Variants in GREB1L observed in about 807,000 individuals in gnomAD.
GREB1L encodes GREB1 like retinoic acid receptor coactivator.
A neutral mutation model predicts 200.8 loss-of-function variants in GREB1L; 17 were observed. That is an observed-to-expected ratio of 0.08 (90% CI 0.06 to 0.13). The LOEUF (loss-of-function observed/expected upper bound fraction) is 0.13, where lower values mean the gene tolerates loss of function less well. Among genes scored for constraint, GREB1L ranks in the 10% least tolerant of loss-of-function variants. The pLI is 1.00. For missense variants in GREB1L, 1,657 were observed against 2,367.7 expected (o/e 0.70, Z 6.23); for synonymous variants, 789 against 893.0 (o/e 0.88, Z 2.08).
intron 1 of GREB1L, among the ~76,000 whole-genome samples, chr18:21,278,028 A>G (rs929182915): frequency 6.6e-6 from 1 of 152,200 alleles, no homozygotes; most frequent in Non-Finnish European, 1.5e-5. Flanking sequence ...TATAGCCATG[A>G]CAAGTGACTT....
intron 1 of GREB1L, among the ~76,000 whole-genome samples, chr18:21,278,643 C>T (rs2038216735): frequency 6.6e-6 from 1 of 151,914 alleles, no homozygotes; most frequent in Non-Finnish European, 1.5e-5. Flanking sequence ...TTGAGCAATT[C>T]ATAACACCAA....
chr18:21,404,928 C>T (rs291792), intron 7 of GREB1L, among the ~76,000 whole-genome samples: 85,252 of 152,154 alleles, frequency 0.56, 26,578 homozygotes, highest in African/African-American at 0.85. Context: ...ATTTGCTACA[C>T]AGCATACCTC....
chr18:21,378,902 C>T (rs1023548832), intron 2 of GREB1L, among the ~76,000 whole-genome samples: 2 of 151,444 alleles, frequency 1.3e-5, no homozygotes, highest in African/African-American at 4.9e-5. Flanking sequence ...CAGGATCTTG[C>T]TCTGTCACCC....
intron 1 of GREB1L, among the ~76,000 whole-genome samples, chr18:21,274,158 A>G (rs1271665948): frequency 6.6e-6 from 1 of 152,174 alleles, no homozygotes; most frequent in Non-Finnish European, 1.5e-5. Flanking sequence ...CTTGATTCAC[A>G]GATGATGCCT....
intron 1 of GREB1L, among the ~76,000 whole-genome samples, chr18:21,341,541 T>G (rs186801138): frequency 6.2e-4 from 94 of 152,272 alleles, no homozygotes; most frequent in Admixed American, 6.1e-3. Context: ...ACAGATAATT[T>G]TTTAAATCTT....
At chr18:21,277,379 C>T (rs1332299313) in intron 1 of GREB1L, among the ~76,000 whole-genome samples, 3 of 152,278 alleles carry the variant, frequency 2.0e-5, no homozygotes, top group East Asian at 3.9e-4. Flanking sequence ...GATTCTTTGG[C>T]GCTTATGATA....
intron 7 of GREB1L, among the ~76,000 whole-genome samples, chr18:21,417,625 T>C (rs2031766309): frequency 6.6e-6 from 1 of 152,010 alleles, no homozygotes; most frequent in Non-Finnish European, 1.5e-5. Flanking sequence ...CTACAAGAAA[T>C]GCTAAAGGAA....
chr18:21,421,316 G>A (rs1250557194), intron 7 of GREB1L, among the ~76,000 whole-genome samples: 1 of 152,078 alleles, frequency 6.6e-6, no homozygotes, highest in Non-Finnish European at 1.5e-5. Flanking sequence ...GCATAAGAAT[G>A]GATTAGGAAG....
intron 7 of GREB1L, among the ~76,000 whole-genome samples, chr18:21,435,613 C>T (rs1402413752): frequency 6.6e-6 from 1 of 152,028 alleles, no homozygotes; most frequent in Non-Finnish European, 1.5e-5. Flanking sequence ...ATTCAGGGAA[C>T]AGCAGAAACA....
chr18:21,517,626 A>G (rs374893702), intron 30 of GREB1L, among the ~76,000 whole-genome samples: 67 of 152,334 alleles, frequency 4.4e-4, no homozygotes, highest in African/African-American at 1.6e-3. Context: ...TAAGAAATCT[A>G]CTGAATGTAG....
intron 7 of GREB1L, among the ~76,000 whole-genome samples, chr18:21,406,851 A>G (rs1268200837): frequency 1.4e-5 from 2 of 146,646 alleles, no homozygotes; most frequent in Non-Finnish European, 3.0e-5. Context: ...TATTGCTTGC[A>G]TATTTTCTCT....
chr18:21,273,018 G>A (rs2038102844), intron 1 of GREB1L, among the ~76,000 whole-genome samples: 1 of 152,200 alleles, frequency 6.6e-6, no homozygotes, highest in Non-Finnish European at 1.5e-5. Context: ...CCTGAGGTCA[G>A]GAGTTTGAGA....
intron 10 of GREB1L, among the ~76,000 whole-genome samples, chr18:21,442,966 G>T (rs566825478): frequency 6.6e-6 from 1 of 152,252 alleles, no homozygotes; most frequent in Admixed American, 6.5e-5. Flanking sequence ...CTGGAGTGCA[G>T]TGGCACAATC....
At chr18:21,479,184 G>A (rs1271422822) in intron 17 of GREB1L, among the ~76,000 whole-genome samples, 1 of 151,686 alleles carries the variant, frequency 6.6e-6, no homozygotes, top group East Asian at 1.9e-4. Context: ...GCCCAGCCAA[G>A]ACTAATTAAT....
chr18:21,296,278 A>G (rs1420478700), intron 1 of GREB1L, among the ~76,000 whole-genome samples: 1 of 152,256 alleles, frequency 6.6e-6, no homozygotes, highest in Admixed American at 6.5e-5. Flanking sequence ...TGTCCTTTGC[A>G]GCAACATGCA....
chr18:21,327,282 G>A (rs1363140856), intron 1 of GREB1L, among the ~76,000 whole-genome samples: 1 of 152,110 alleles, frequency 6.6e-6, no homozygotes, highest in Non-Finnish European at 1.5e-5. Context: ...CCAAATTAAT[G>A]GGATGACATT....
At position 21,499,715 on chromosome 18, in the gene GREB1L, CTGTT is replaced by C. The variant is rs1442628794; in HGVS notation, c.3392-13_3392-10del. On this transcript the variant is annotated splice_polypyrimidine_tract_variant and intron_variant, in intron 21 of 32. Transcript: ENST00000424526. ...AGAGCTGCTGTGGGGTGGGTTCTGT[CTGTT>C]CTCTCACAGGTTCCATCATGGAGAA... 1.3e-6 allele frequency: 2 copies of C among 1,539,366 alleles called. No homozygotes were observed. The highest frequency in any genetic ancestry group is 2.7e-5 in the African/African-American group (2 of 72,814).
intron 10 of GREB1L, among the ~76,000 whole-genome samples, chr18:21,442,233 G>A (rs953714456): frequency 6.6e-6 from 1 of 152,162 alleles, no homozygotes; most frequent in African/African-American, 2.4e-5. Flanking sequence ...TTTAGGGCTG[G>A]CCTAGGCCAG....
At chr18:21,263,197 A>G (rs1002765812) in intron 1 of GREB1L, among the ~76,000 whole-genome samples, 4 of 152,208 alleles carry the variant, frequency 2.6e-5, no homozygotes, top group East Asian at 1.9e-4. Flanking sequence ...CAGCCAGACA[A>G]TGGATTGTTC....
Sources: allele counts gnomAD v4.1 joint callset (sites outside exome capture counted in the v4.1 genomes callset), GRCh38; gene constraint gnomAD v4.1.1; transcripts MANE v1.5; gene names NCBI Gene and HGNC (gene_info 2026-07-23, HGNC 2026-07-21).